The following CD4 variants were observed in gnomAD, a reference collection of about 807,000 sequenced individuals.
CD4 encodes CD4 molecule, also known as T-cell surface glycoprotein CD4.
In CD4, 25 loss-of-function variants were observed where a neutral mutation model predicts 50.5. The observed-to-expected ratio is 0.49, with a 90% CI of 0.36 to 0.69. The LOEUF (loss-of-function observed/expected upper bound fraction) is 0.69. Ranked by LOEUF, CD4 falls within the 30% of genes least tolerant of loss-of-function variation. The probability of loss-of-function intolerance (pLI) is 0.00; values close to 1 mark genes in which losing one functional copy is unlikely to be tolerated. For synonymous variants in CD4, 207 were observed against 221.9 expected (o/e 0.93, Z 0.60); for missense variants, 456 against 548.5 (o/e 0.83, Z 1.68).
Position 6,814,810 on chromosome 12 carries a change from C to T in CD4, c.425C>T (p.Thr142Ile), listed in dbSNP as rs782239864. 1 of 1,613,626 alleles carries T rather than the reference C, an allele frequency of 6.2e-7. No individual in the cohort carries two copies. The highest frequency in any genetic ancestry group is 1.3e-5 in the African/African-American group (1 of 74,960). Residue 142 changes from threonine to isoleucine, a missense_variant, in exon 5 of 10, where the codon ACC (threonine) becomes ATC (isoleucine). Coordinates refer to ENST00000011653, the MANE Select transcript of CD4 (RefSeq NM_000616.5). ...HLLQGQSLTLTLESPPGSSPS... is the reference protein window; with the variant it reads ...HLLQGQSLTLILESPPGSSPS... ...CTTCAGGGGCAGAGCCTGACCCTGA[C>T]CTTGGAGAGCCCCCCTGGTAGTAGC...
rs7901 is a variant in CD4 at position 6,820,347 on chromosome 12, C to T, written c.*1018C>T. On this transcript the variant is annotated 3_prime_UTR_variant, in exon 10 of 10. Coordinates refer to ENST00000011653, the MANE Select transcript of CD4 (RefSeq NM_000616.5). ...AAGCCTTTGGCTCTTCTAATCAGAG[C>T]GCAAGCTGGGAGCACAGGCACTGCA... is the stretch of plus-strand genomic sequence containing the variant. The T allele has an allele frequency of 0.21, 32,024 of 152,206 alleles. 3,793 individuals are homozygous for T. The highest frequency in any genetic ancestry group is 0.45 in the East Asian group (2,345 of 5,160). 9.4% of individuals were successfully genotyped at this position (152,206 alleles called of 1,614,324 possible). A position where few individuals can be genotyped will look rare whatever the true frequency, so the allele number is the denominator to read the frequency against.
At chr12:6,794,354 A>T (rs924143587) in intron 1 of CD4, among the ~76,000 whole-genome samples, 1 of 148,430 alleles carries the variant, frequency 6.7e-6, no homozygotes, top group African/African-American at 2.5e-5. Flanking sequence ...GGCGTGAGCC[A>T]CCGTGCCTGG....
intron 5 of CD4, among the ~76,000 whole-genome samples, chr12:6,815,516 G>A (rs782137950): frequency 3.3e-5 from 5 of 152,262 alleles, no homozygotes; most frequent in East Asian, 1.9e-4. Flanking sequence ...GTGCATGTAC[G>A]CTGATTGAAA....
intron 3 of CD4, 81 bp from the exon 4 acceptor site, chr12:6,814,061 A>C: frequency 8.1e-7 from 1 of 1,230,486 alleles, no homozygotes; most frequent in South Asian, 1.4e-5. Context: ...CTGATATCAG[A>C]AGAGCCGTGG....
Position 6,818,316 on chromosome 12 carries a change from C to G in CD4, c.1157-105C>G, listed in dbSNP as rs1325960080. The G allele has an allele frequency of 1.4e-6, 2 of 1,480,196 alleles. No individual in the cohort carries two copies. Among genetic ancestry groups the G allele is most frequent in the Admixed American group, 1.8e-5 (1 of 56,296 alleles). 91.7% of individuals were successfully genotyped at this position (1,480,196 alleles called of 1,614,324 possible). ...AGGCACCCCTCCCCTCTCCCCCAAC[C>G]CCAGGGTCAAACCAGAGACTGGCCA... On this transcript the variant is annotated intron_variant, in intron 7 of 9. Transcript: ENST00000011653. The surrounding 1 kb of genome is among the most constrained non-coding windows in gnomAD (Gnocchi z 5.0).
chr12:6,814,113 G>T, intron 3 of CD4, 29 bp from the exon 4 acceptor site: 1 of 1,605,372 alleles, frequency 6.2e-7, no homozygotes, highest in Non-Finnish European at 8.5e-7. Flanking sequence ...GGGCGCCTCA[G>T]TCCCCCCCCA....
At chr12:6,801,796 G>A (rs984539022) in intron 3 of CD4, among the ~76,000 whole-genome samples, 2 of 148,904 alleles carry the variant, frequency 1.3e-5, no homozygotes, top group African/African-American at 2.5e-5. Context: ...TCCTGACCTC[G>A]TGATTTACCC....
intron 1 of CD4, among the ~76,000 whole-genome samples, chr12:6,798,276 T>C (rs531629564): frequency 1.0e-5 from 1 of 96,308 alleles, no homozygotes; most frequent in Admixed American, 9.5e-5. Context: ...TTCACGCCAT[T>C]CTCCTGCCTC....
Position 6,800,434 on chromosome 12 carries a change from A to G in CD4, c.177A>G (p.Ile59Met). 2 of 1,614,066 alleles carry G rather than the reference A, an allele frequency of 1.2e-6. No individual in the cohort carries two copies. Among genetic ancestry groups the G allele is most frequent in the Non-Finnish European group, 1.7e-6 (2 of 1,179,986 alleles). Residue 59 changes from isoleucine (I) to methionine (M), a missense_variant, in exon 3 of 10, where the codon ATA becomes ATG. Physicochemically the swap from Ile to Met is conservative, Grantham distance 10. Coordinates refer to ENST00000011653, the MANE Select transcript of CD4 (RefSeq NM_000616.5). ...IQFHWKNSNQ[I>M]KILGNQGSFL... is the part of the protein sequence containing the mutation. Reference sequence around the variant, plus strand: ...TCCACTGGAAAAACTCCAACCAGATAAAGATTCTGGGAAATCAGGGCTCCT... The same window carrying G: ...TCCACTGGAAAAACTCCAACCAGATGAAGATTCTGGGAAATCAGGGCTCCT...
chr12:6,793,677 TATCTATCTATCTATCTATCTATC>T (rs1942247932), intron 1 of CD4, among the ~76,000 whole-genome samples: 1 of 96,424 alleles, frequency 1.0e-5, no homozygotes, highest in African/African-American at 4.4e-5. Context: ...TCTATCTATC[TATCTATCTATCTATCTATCTATC>T]TATCTTTTTT....
chr12:6,809,106 G>A (rs550432819), intron 3 of CD4, among the ~76,000 whole-genome samples: 5 of 152,076 alleles, frequency 3.3e-5, no homozygotes, highest in Non-Finnish European at 7.4e-5. Context: ...CACCCTCCTT[G>A]TTCTCCCAAT....
At chr12:6,790,704 C>T (rs1187410102) in intron 1 of CD4, among the ~76,000 whole-genome samples, 2 of 152,200 alleles carry the variant, frequency 1.3e-5, no homozygotes, top group African/African-American at 4.8e-5. Context: ...GCCCCTGAGA[C>T]CTCATGGCCT....
intron 1 of CD4, among the ~76,000 whole-genome samples, chr12:6,796,763 C>A (rs1003752561): frequency 6.6e-6 from 1 of 152,232 alleles, no homozygotes; most frequent in Non-Finnish European, 1.5e-5. Flanking sequence ...GAAAGGATCA[C>A]TTGAGCCCAG....
At chr12:6,796,461 C>T (rs1470113994) in intron 1 of CD4, among the ~76,000 whole-genome samples, 1 of 152,226 alleles carries the variant, frequency 6.6e-6, no homozygotes, top group Non-Finnish European at 1.5e-5. Context: ...AGGCAGTCAC[C>T]TCTCTGAGCC....
Position 6,818,098 on chromosome 12 carries a change from G to A in CD4, c.1157-323G>A, listed in dbSNP as rs201525262. Among the ~76,000 whole-genome samples, 7 of 39,532 alleles carry A rather than the reference G, an allele frequency of 1.8e-4. No individual in the cohort carries two copies. Among genetic ancestry groups the A allele is most frequent in the African/African-American group, 4.6e-4 (7 of 15,078 alleles). 25.9% of individuals were successfully genotyped at this position (39,532 alleles called of 152,430 possible). ...CACACATGGACTCACACGCGCACAC[G>A]CGCGCACACACACACATTCACACCA... On this transcript the variant is annotated intron_variant, in intron 7 of 9. Transcript: ENST00000011653. This position sits in a 1 kb window ranked among gnomAD's most constrained non-coding sequence, Gnocchi z 5.0.
chr12:6,804,158 AAAAGC>A (rs1942653880), intron 3 of CD4, among the ~76,000 whole-genome samples: 1 of 107,488 alleles, frequency 9.3e-6, no homozygotes, highest in Non-Finnish European at 1.9e-5. Flanking sequence ...AAATAAAATA[AAAAGC>A]ACACACACAC....
chr12:6,805,154 C>T (rs1942691060), intron 3 of CD4, among the ~76,000 whole-genome samples: 1 of 124,084 alleles, frequency 8.1e-6, no homozygotes, highest in Admixed American at 9.9e-5. Context: ...CACTGCTTTC[C>T]AGCCTCGGTA....
At chr12:6,802,285 C>A (rs1460569779) in intron 3 of CD4, among the ~76,000 whole-genome samples, 3 of 151,850 alleles carry the variant, frequency 2.0e-5, no homozygotes, top group Non-Finnish European at 4.4e-5. Flanking sequence ...TCAGAGATAT[C>A]CTCTGCTAAC....
intron 3 of CD4, among the ~76,000 whole-genome samples, chr12:6,804,503 TAAA>T (rs34616852): frequency 6.6e-6 from 1 of 152,166 alleles, no homozygotes; most frequent in Non-Finnish European, 1.5e-5. Flanking sequence ...AAGATAAACA[TAAA>T]AAATCTATTG....
Sources: gnomAD v4.1 joint callset for allele counts (sites outside exome capture counted in the v4.1 genomes callset) on GRCh38, gnomAD v4.1.1 for gene constraint, Gnocchi (gnomAD v3.1) non-coding constraint, MANE v1.5 for transcripts, NCBI Gene and HGNC (gene_info 2026-07-23, HGNC 2026-07-21) for gene names.